The following SLC35F4 variants were observed in gnomAD, a reference collection of about 807,000 sequenced individuals.
The protein encoded by SLC35F4 is chromosome 14 open reading frame 36.
A neutral mutation model predicts 44.2 loss-of-function variants in SLC35F4; 24 were observed. That is an observed-to-expected ratio of 0.54 (90% CI 0.39 to 0.76). SLC35F4 has a LOEUF of 0.76. Among genes scored for constraint, SLC35F4 ranks in the 30% least tolerant of loss-of-function variants. The pLI, the probability that SLC35F4 is intolerant of heterozygous loss-of-function variation, is 0.00. For synonymous variants in SLC35F4, 238 were observed against 223.6 expected (o/e 1.06, Z -0.57); for missense variants, 562 against 586.1 (o/e 0.96, Z 0.42).
At chr14:57,949,983 A>G (rs1461115564) in intron 1 of SLC35F4, among the ~76,000 whole-genome samples, 1 of 152,118 alleles carries the variant, frequency 6.6e-6, no homozygotes, top group Non-Finnish European at 1.5e-5. Context: ...TTGACTTTAC[A>G]TATCCTGATG....
chr14:57,814,127 A>C lies in SLC35F4; in HGVS notation c.103+51596T>G, dbSNP rs139274122. Reference sequence around the variant, plus strand: ...TAAATAGTAAACTTCTGAAAGGCAGAAAATGTGTCTCTTGCATTTGCTTGC... The same window carrying C: ...TAAATAGTAAACTTCTGAAAGGCAGCAAATGTGTCTCTTGCATTTGCTTGC... On this transcript the variant is annotated intron_variant, in intron 1 of 7. Coordinates refer to ENST00000556826, the MANE Select transcript of SLC35F4 (RefSeq NM_001306087.2). Among the ~76,000 whole-genome samples the C allele has an allele frequency of 5.9e-5, 9 of 152,350 alleles. No homozygotes were observed. The East Asian group carries it at 1.7e-3, about 29-fold the overall frequency.
intron 1 of SLC35F4, among the ~76,000 whole-genome samples, chr14:57,915,269 A>T (rs1281254493): frequency 6.6e-6 from 1 of 152,058 alleles, no homozygotes; most frequent in Non-Finnish European, 1.5e-5. Flanking sequence ...ATAGAGGGGC[A>T]CTCTCGAAGA....
At chr14:57,919,149 C>G (rs367845264) in intron 1 of SLC35F4, among the ~76,000 whole-genome samples, 2 of 152,176 alleles carry the variant, frequency 1.3e-5, no homozygotes, top group East Asian at 3.9e-4. Context: ...GCTCAAGAGT[C>G]TGAATTACCC....
intron 1 of SLC35F4, among the ~76,000 whole-genome samples, chr14:57,644,717 A>G (rs968307866): frequency 1.3e-5 from 2 of 152,160 alleles, no homozygotes; most frequent in African/African-American, 4.8e-5. Context: ...GGTATTGCCT[A>G]GGTTTTCTTC....
Position 57,613,361 on chromosome 14 carries a change from G to A in SLC35F4, c.104-19237C>T, listed in dbSNP as rs12437354. Among the ~76,000 whole-genome samples the A allele has an allele frequency of 1.0e-3, 152 of 152,260 alleles. 2 individuals carry two copies. Among genetic ancestry groups the A allele is most frequent in the Admixed American group, 9.2e-3 (140 of 15,290 alleles). ...GAAATTTGTTATTGATAAAGGAGAA[G>A]TCTTACTGATGGCAAAAGGAGAGCC... On this transcript the variant is annotated intron_variant, in intron 1 of 7. Transcript: ENST00000556826.
chr14:57,880,034 G>A lies in SLC35F4; in HGVS notation n.282+101879C>T, dbSNP rs139649634. Among the ~76,000 whole-genome samples, 144 of 92,998 alleles carry A rather than the reference G, an allele frequency of 1.5e-3. 8 individuals carry two copies. The highest frequency in any genetic ancestry group is 5.8e-3 in the African/African-American group (136 of 23,564). 61.0% of individuals were successfully genotyped at this position (92,998 alleles called of 152,430 possible). On this transcript the variant is annotated intron_variant and non_coding_transcript_variant, in intron 1 of 1. Transcript: ENST00000556568. ...GGAAAGGAAAGGAAAGGAAAGGAGG[G>A]AGGAAGGAAGGAAGGAAGGAAGGAA...
intron 1 of SLC35F4, among the ~76,000 whole-genome samples, chr14:57,814,552 A>G (rs62004964): frequency 0.028 from 4,320 of 152,362 alleles, 119 homozygotes; most frequent in African/African-American, 0.075. Flanking sequence ...TCCTAACAGT[A>G]GTTTTCATTA....
intron 1 of SLC35F4, among the ~76,000 whole-genome samples, chr14:57,780,475 A>T (rs1275170614): frequency 1.3e-5 from 2 of 152,190 alleles, no homozygotes; most frequent in Non-Finnish European, 2.9e-5. Context: ...ATGCTCACAG[A>T]TAGAAAGAAT....
At chr14:57,719,759 A>C (rs184333204) in intron 1 of SLC35F4, among the ~76,000 whole-genome samples, 2 of 152,328 alleles carry the variant, frequency 1.3e-5, no homozygotes, top group East Asian at 3.9e-4. Flanking sequence ...ATCTGCAAAC[A>C]ATGATAATTT....
intron 1 of SLC35F4, among the ~76,000 whole-genome samples, chr14:57,841,374 G>A (rs981541878): frequency 2.0e-5 from 3 of 152,166 alleles, no homozygotes; most frequent in Non-Finnish European, 2.9e-5. Context: ...TTAAGACAAA[G>A]CACCAGTCCC....
intron 1 of SLC35F4, among the ~76,000 whole-genome samples, chr14:57,912,620 G>A (rs1177835711): frequency 6.6e-6 from 1 of 151,788 alleles, no homozygotes; most frequent in Non-Finnish European, 1.5e-5. Flanking sequence ...TTCCATTATT[G>A]TCTGACAATA....
At chr14:57,978,760 G>A (rs1822398176) in intron 1 of SLC35F4, among the ~76,000 whole-genome samples, 1 of 152,142 alleles carries the variant, frequency 6.6e-6, no homozygotes, top group Non-Finnish European at 1.5e-5. Context: ...GCAAACCTAA[G>A]CTCTTCCAAA....
intron 1 of SLC35F4, among the ~76,000 whole-genome samples, chr14:57,686,924 G>A (rs1239898358): frequency 6.6e-6 from 1 of 151,934 alleles, no homozygotes; most frequent in African/African-American, 2.4e-5. Context: ...GAATGTGATA[G>A]TATTTAGAGA....
intron 1 of SLC35F4, among the ~76,000 whole-genome samples, chr14:57,859,151 G>A (rs1419156373): frequency 6.6e-6 from 1 of 151,506 alleles, no homozygotes; most frequent in East Asian, 1.9e-4. Flanking sequence ...AGAGAGGGAG[G>A]AAAACAGAGC....
At chr14:57,627,671 A>C (rs2072544022) in intron 1 of SLC35F4, among the ~76,000 whole-genome samples, 1 of 152,146 alleles carries the variant, frequency 6.6e-6, no homozygotes, top group Admixed American at 6.6e-5. Context: ...CTCATTCTTG[A>C]ATACAATATT....
intron 1 of SLC35F4, among the ~76,000 whole-genome samples, chr14:57,710,366 T>A (rs2075786995): frequency 6.6e-6 from 1 of 152,188 alleles, no homozygotes; most frequent in African/African-American, 2.4e-5. Flanking sequence ...AGGTAGAAGT[T>A]TGTTGCAGGG....
chr14:57,640,454 C>T (rs1261263313), intron 1 of SLC35F4, among the ~76,000 whole-genome samples: 3 of 152,000 alleles, frequency 2.0e-5, no homozygotes, highest in African/African-American at 4.8e-5. Context: ...CTGTTTTCTA[C>T]CTCTTCAATT....
chr14:57,918,088 C>A (rs1889365278), intron 1 of SLC35F4, among the ~76,000 whole-genome samples: 1 of 152,174 alleles, frequency 6.6e-6, no homozygotes. Flanking sequence ...TAAAGGCAGG[C>A]CTTGTTAAGA....
chr14:57,931,570 T>G lies in SLC35F4; in HGVS notation n.282+50343A>C, dbSNP rs183004635. Among the ~76,000 whole-genome samples the G allele has an allele frequency of 4.7e-3, 712 of 152,200 alleles. 2 individuals are homozygous for G. The highest frequency in any genetic ancestry group is 0.016 in the African/African-American group (656 of 41,476). ...TAGTGCAAATAATATGAAAATAAAA[T>G]TAGTTCTTTCCACATAGCTGGGAGA... On this transcript the variant is annotated intron_variant and non_coding_transcript_variant, in intron 1 of 1. Coordinates refer to the SLC35F4 transcript ENST00000556568.
Sources: allele counts gnomAD v4.1 joint callset (sites outside exome capture counted in the v4.1 genomes callset), GRCh38; gene constraint gnomAD v4.1.1; transcripts MANE v1.5; gene names NCBI Gene and HGNC (gene_info 2026-07-23, HGNC 2026-07-21).